The following ARHGAP15 variants were observed in gnomAD, a reference collection of about 807,000 sequenced individuals.
ARHGAP15 encodes the protein Rho GTPase activating protein 15.
In ARHGAP15, 51 loss-of-function variants were observed where a neutral mutation model predicts 63.7. The ratio of observed to expected loss-of-function variants is 0.80; its 90% CI spans 0.64 to 1.01. The LOEUF is 1.01. Among genes scored for constraint, ARHGAP15 ranks in the 50% least tolerant of loss-of-function variants. The pLI, the probability that ARHGAP15 is intolerant of heterozygous loss-of-function variation, is 0.00. For missense variants in ARHGAP15, 560 were observed against 564.6 expected, an observed-to-expected ratio of 0.99 and a Z score of 0.08; for synonymous variants, 191 against 193.8, an observed-to-expected ratio of 0.99 and a Z score of 0.12.
intron 6 of ARHGAP15, among the ~76,000 whole-genome samples, chr2:143,281,536 C>T (rs1681849464): frequency 6.6e-6 from 1 of 152,130 alleles, no homozygotes; most frequent in Non-Finnish European, 1.5e-5. Context: ...CAGCTAAATA[C>T]AAGAGATACT....
intron 6 of ARHGAP15, among the ~76,000 whole-genome samples, chr2:143,402,924 A>AT (rs1490648971): frequency 6.6e-6 from 1 of 151,784 alleles, no homozygotes; most frequent in African/African-American, 2.4e-5. Flanking sequence ...GACAACCTAT[A>AT]TTTTTCTTAT....
intron 12 of ARHGAP15, among the ~76,000 whole-genome samples, chr2:143,631,234 G>GT (rs1699058589): frequency 6.6e-6 from 1 of 151,922 alleles, no homozygotes; most frequent in African/African-American, 2.4e-5. Context: ...GGATATTTGG[G>GT]TTGTTTCTAG....
intron 6 of ARHGAP15, among the ~76,000 whole-genome samples, chr2:143,425,705 T>C (rs957270572): frequency 6.6e-6 from 1 of 152,114 alleles, no homozygotes; most frequent in East Asian, 1.9e-4. Flanking sequence ...CTCTCATTCA[T>C]GGAAAAAGAA....
chr2:143,237,144 A>G (rs1693684939), intron 5 of ARHGAP15: 2 of 152,254 alleles, frequency 1.3e-5, no homozygotes, highest in South Asian at 2.1e-4. Context: ...TTTCAGAGAC[A>G]TGTTTAGGGA....
chr2:143,302,601 G>A (rs1682954969), intron 6 of ARHGAP15, among the ~76,000 whole-genome samples: 2 of 151,978 alleles, frequency 1.3e-5, no homozygotes, highest in African/African-American at 4.8e-5. Context: ...TTGTCTAAAA[G>A]CAGAAGGAGA....
intron 6 of ARHGAP15, among the ~76,000 whole-genome samples, chr2:143,300,530 G>C (rs1354766874): frequency 3.9e-5 from 6 of 151,930 alleles, no homozygotes; most frequent in Admixed American, 2.0e-4. Flanking sequence ...TTCAGACCTG[G>C]AACTCTACAT....
At chr2:143,592,212 G>T (rs1419107803) in intron 11 of ARHGAP15, among the ~76,000 whole-genome samples, 3 of 151,932 alleles carry the variant, frequency 2.0e-5, no homozygotes, top group Non-Finnish European at 4.4e-5. Flanking sequence ...ATTTTGTTCA[G>T]ATATTTATTA....
intron 13 of ARHGAP15, among the ~76,000 whole-genome samples, chr2:143,708,220 A>G (rs1442621080): frequency 3.9e-5 from 6 of 152,228 alleles, no homozygotes; most frequent in Admixed American, 3.9e-4. Context: ...AATGCTTTTG[A>G]AGAGTCTTGC....
At chr2:143,430,178 T>G (rs1048209898) in intron 6 of ARHGAP15, among the ~76,000 whole-genome samples, 2 of 43,546 alleles carry the variant, frequency 4.6e-5, no homozygotes, top group Non-Finnish European at 1.2e-4. Flanking sequence ...CCAAAGTAAC[T>G]TTTTTTTTTT....
intron 8 of ARHGAP15, among the ~76,000 whole-genome samples, chr2:143,462,916 C>T (rs919652313): frequency 6.6e-6 from 1 of 152,192 alleles, no homozygotes; most frequent in African/African-American, 2.4e-5. Context: ...TAGGCTGGAA[C>T]TCCCAAGGCA....
intron 1 of ARHGAP15, among the ~76,000 whole-genome samples, chr2:143,148,536 AG>A (rs1466430976): frequency 6.6e-6 from 1 of 151,996 alleles, no homozygotes; most frequent in Admixed American, 6.6e-5. Context: ...TCACCATTTA[AG>A]ATGGCCATGT....
chr2:143,299,820 G>T (rs557428282), intron 6 of ARHGAP15, among the ~76,000 whole-genome samples: 10 of 152,068 alleles, frequency 6.6e-5, no homozygotes, highest in Admixed American at 1.3e-4. Flanking sequence ...AATTAAGACA[G>T]GCCAAGTAGT....
At chr2:143,765,785 G>A (rs1686927904) in intron 13 of ARHGAP15, among the ~76,000 whole-genome samples, 1 of 151,986 alleles carries the variant, frequency 6.6e-6, no homozygotes, top group Admixed American at 6.6e-5. Flanking sequence ...CACAGGTACT[G>A]GACCCAGACT....
chr2:143,184,205 T>A (rs1691349683), intron 2 of ARHGAP15, among the ~76,000 whole-genome samples: 1 of 152,192 alleles, frequency 6.6e-6, no homozygotes, highest in Non-Finnish European at 1.5e-5. Flanking sequence ...GAGGCAAAAG[T>A]CTGAAGGACA....
chr2:143,436,992 A>G lies in ARHGAP15; in HGVS notation c.653A>G (p.His218Arg). The change falls in exon 8 of 14, where the codon CAC (histidine) becomes CGC (arginine). Residue 218 changes from histidine (H) to arginine (R), a missense_variant. By Grantham distance (29) the His-to-Arg change is conservative. Coordinates refer to ENST00000295095, the MANE Select transcript of ARHGAP15 (RefSeq NM_018460.4). ...TCCTCTAGCACTGAATTGCTAAGTC[A>G]CTACGACAGTGATATAAAAGAACAG... is the stretch of plus-strand genomic sequence containing the variant. ...QRSSSTELLS[H>R]YDSDIKEQKP... The G allele has an allele frequency of 6.2e-7, 1 of 1,609,424 alleles. No individual in the cohort carries two copies. Among genetic ancestry groups the G allele is most frequent in the Non-Finnish European group, 8.5e-7 (1 of 1,178,680 alleles).
Position 143,617,237 on chromosome 2 carries a change from A to G in ARHGAP15, c.1004-6896A>G, listed in dbSNP as rs568699934. Reference sequence around the variant, plus strand: ...GTTCACTGTGTTTCACAAGTGTAGCATAGCCCTTGTGTTGAGAAGATGTAT... The same window carrying G: ...GTTCACTGTGTTTCACAAGTGTAGCGTAGCCCTTGTGTTGAGAAGATGTAT... On this transcript the variant is annotated intron_variant, in intron 11 of 13. Coordinates refer to ENST00000295095, the MANE Select transcript of ARHGAP15 (RefSeq NM_018460.4). Among the ~76,000 whole-genome samples, 7 of 152,324 alleles carry G rather than the reference A, an allele frequency of 4.6e-5. No individual in the cohort carries two copies. The South Asian group carries it at 1.0e-3, about 23-fold the overall frequency.
chr2:143,479,567 G>C (rs1245528772), intron 8 of ARHGAP15, among the ~76,000 whole-genome samples: 1 of 151,910 alleles, frequency 6.6e-6, no homozygotes, highest in Non-Finnish European at 1.5e-5. Context: ...TTCAATATCA[G>C]CTACTGCCTT....
chr2:143,638,915 T>C (rs1177034838), intron 12 of ARHGAP15, among the ~76,000 whole-genome samples: 1 of 152,064 alleles, frequency 6.6e-6, no homozygotes, highest in Non-Finnish European at 1.5e-5. Flanking sequence ...TACATTTCAC[T>C]ATTTAAGTTT....
At chr2:143,641,050 G>A (rs908160908) in intron 12 of ARHGAP15, 13 of 152,126 alleles carry the variant, frequency 8.5e-5, no homozygotes, top group African/African-American at 2.4e-4. Flanking sequence ...GTGATGTCTT[G>A]CAGTGGAACA....
Sources: allele counts gnomAD v4.1 joint callset (sites outside exome capture counted in the v4.1 genomes callset), GRCh38; gene constraint gnomAD v4.1.1; transcripts MANE v1.5; gene names NCBI Gene and HGNC (gene_info 2026-07-23, HGNC 2026-07-21).